LAMB3: variants seen among roughly 807,000 people sequenced by gnomAD.
The protein encoded by LAMB3 is laminin subunit beta 3.
LAMB3 carries 104 observed loss-of-function variants against 140.3 expected under a neutral mutation model. The observed-to-expected ratio is 0.74, with a 90% confidence interval of 0.63 to 0.87. The LOEUF is 0.87. LAMB3 is among the 40% of genes least tolerant of loss of function. The probability of loss-of-function intolerance (pLI) is 0.00; values close to 1 mark genes in which losing one functional copy is unlikely to be tolerated. For synonymous variants in LAMB3, 592 were observed against 602.9 expected, an observed-to-expected ratio of 0.98 and a Z score of 0.26; for missense variants, 1,531 against 1,575.2, an observed-to-expected ratio of 0.97 and a Z score of 0.47.
At position 209,622,628 on chromosome 1, in the gene LAMB3, A is replaced by G; in HGVS notation, c.2609T>C (p.Leu870Ser). 1 of 1,614,140 alleles carries G rather than the reference A, an allele frequency of 6.2e-7. No individual in the cohort carries two copies. Residue 870 changes from leucine (L) to serine (S), a missense_variant, in exon 18 of 23, where the codon TTG (leucine) becomes TCG (serine). Physicochemically the swap from Leu to Ser is moderately radical, Grantham distance 145. Coordinates refer to ENST00000356082, the MANE Select transcript of LAMB3 (RefSeq NM_000228.3). ...ASQIQSSAQRLETQVSASRSQ... is the reference protein window; with the variant it reads ...ASQIQSSAQRSETQVSASRSQ... ...GCGGCTGGCGCTCACCTGGGTCTCCAAGCGCTGGGCACTGGATTGAATCTG... is the reference window on the plus strand; with the variant it reads ...GCGGCTGGCGCTCACCTGGGTCTCCGAGCGCTGGGCACTGGATTGAATCTG...
chr1:209,641,176 C>A (rs1204557531), intron 3 of LAMB3, among the ~76,000 whole-genome samples: 3 of 151,348 alleles, frequency 2.0e-5, no homozygotes, highest in Non-Finnish European at 1.5e-5. Context: ...AAACGAATAG[C>A]AAATTTTCAG....
intron 3 of LAMB3, among the ~76,000 whole-genome samples, chr1:209,649,435 T>C (rs2102465015): frequency 6.6e-6 from 1 of 152,324 alleles, no homozygotes; most frequent in Non-Finnish European, 1.5e-5. Flanking sequence ...TAACAGGCAA[T>C]GTTAGTCATA....
chr1:209,627,504 G>C lies in LAMB3; in HGVS notation c.1364C>G (p.Pro455Arg). Residue 455 changes from proline (P) to arginine (R), a missense_variant, in exon 12 of 23, where the codon CCC (proline) becomes CGC (arginine). Pro to Arg is a moderately radical substitution (Grantham distance 103). Coordinates refer to ENST00000356082, the MANE Select transcript of LAMB3 (RefSeq NM_000228.3). ...GTCACATTTGGGACCCACCACGTTG[G>C]GCAGACAAAGGCAGCGCCCACTCTC... is the stretch of plus-strand genomic sequence containing the variant. ...DEESGRCLCLPNVVGPKCDQC... is the reference protein window; with the variant it reads ...DEESGRCLCLRNVVGPKCDQC... 6.2e-7 allele frequency: 1 copy of C among 1,614,056 alleles called. No individual in the cohort carries two copies. Among genetic ancestry groups the C allele is most frequent in the Non-Finnish European group, 8.5e-7 (1 of 1,180,000 alleles).
Position 209,627,446 on chromosome 1 carries a change from A to T in LAMB3, c.1422T>A (p.Ser474Arg), listed in dbSNP as rs1219437024. ...QCAPYHWKLA[S>R]GQGCEPCACD... ...AGGCACACGGTTCACAGCCCTGGCC[A>T]CTGGCCAGCTTCCAGTGGTAGGGAG... is the stretch of plus-strand genomic sequence containing the variant. Residue 474 changes from serine (S) to arginine (R), a missense_variant, in exon 12 of 23, where the codon AGT becomes AGA. By Grantham distance (110) the Ser-to-Arg change is moderately radical. Transcript: ENST00000356082. The T allele has an allele frequency of 1.8e-5, 29 of 1,613,760 alleles. No individual in the cohort carries two copies. The highest frequency in any genetic ancestry group is 2.4e-5 in the Non-Finnish European group (28 of 1,179,980).
intron 9 of LAMB3, 44 bp downstream of exon 9, chr1:209,630,571 C>T (rs758176448): frequency 5.6e-6 from 9 of 1,612,378 alleles, no homozygotes; most frequent in Non-Finnish European, 7.6e-6. Context: ...GGGGCCAGCA[C>T]TCGACCCAGA....
intron 22 of LAMB3, 110 bp from the exon 23 acceptor site, chr1:209,615,517 C>T: frequency 3.8e-6 from 5 of 1,305,872 alleles, no homozygotes; most frequent in Non-Finnish European, 5.1e-6. Context: ...GTAGAGGAAT[C>T]CCCTCCAGAA....
intron 3 of LAMB3, among the ~76,000 whole-genome samples, chr1:209,643,923 A>G (rs1409347377): frequency 6.6e-6 from 1 of 152,236 alleles, no homozygotes. Context: ...TTGTTCTAAC[A>G]TGCTCTTAGA....
chr1:209,639,178 T>G lies in LAMB3; in HGVS notation c.184-530A>C, dbSNP rs527619140. Among the ~76,000 whole-genome samples, 12 of 152,306 alleles carry G rather than the reference T, an allele frequency of 7.9e-5. No individual in the cohort carries two copies. The East Asian group carries it at 2.3e-3, about 29-fold the overall frequency. On this transcript the variant is annotated intron_variant, in intron 3 of 22. Transcript: ENST00000356082. Reference sequence around the variant, plus strand: ...TCCTAGCTCTGTCACCTCTACTTCCTAGGCTTAACTTTCTCCTCCATAAAT... The same window carrying G: ...TCCTAGCTCTGTCACCTCTACTTCCGAGGCTTAACTTTCTCCTCCATAAAT...
chr1:209,631,190 A>G (rs1196517797), intron 8 of LAMB3, among the ~76,000 whole-genome samples: 4 of 152,224 alleles, frequency 2.6e-5, no homozygotes, highest in Non-Finnish European at 2.9e-5. Context: ...ATTAAGGTAT[A>G]AAAATAGAAT....
At chr1:209,644,468 T>C (rs2076498067) in intron 3 of LAMB3, among the ~76,000 whole-genome samples, 1 of 152,194 alleles carries the variant, frequency 6.6e-6, no homozygotes, top group African/African-American at 2.4e-5. Flanking sequence ...CATTTACAAA[T>C]GGTAGGTATC....
At position 209,628,091 on chromosome 1, in the gene LAMB3, T is replaced by C; in HGVS notation, c.1232A>G (p.Asp411Gly). ...TCCAGTGAAGCCCGGCTTGCATAGG[T>C]CACAGCGCTCTCCCTGCACATGCTC... ...CKEHVQGERC[D>G]LCKPGFTGLT... The change falls in exon 11 of 23, where the codon GAC (aspartate) becomes GGC (glycine). Residue 411 changes from aspartate to glycine, a missense_variant. By Grantham distance (94) the Asp-to-Gly change is moderately conservative. Coordinates refer to ENST00000356082, the MANE Select transcript of LAMB3 (RefSeq NM_000228.3). 7.5e-6 allele frequency: 12 copies of C among 1,604,264 alleles called. No individual in the cohort carries two copies. The highest frequency in any genetic ancestry group is 1.0e-5 in the Non-Finnish European group (12 of 1,175,164).
chr1:209,638,509 G>A (rs1347491861), intron 4 of LAMB3, 25 bp downstream of exon 4: 2 of 1,463,972 alleles, frequency 1.4e-6, no homozygotes, highest in African/African-American at 1.4e-5. Flanking sequence ...TACAGTTTGA[G>A]TTCCCGTAGA....
rs1316086252 is a variant in LAMB3, at chr1:209,650,990, C to T, written c.-37-9G>A. The T allele has an allele frequency of 6.3e-7, 1 of 1,590,968 alleles. No individual in the cohort carries two copies. Among genetic ancestry groups the T allele is most frequent in the Admixed American group, 1.7e-5 (1 of 60,000 alleles). ...CCCAGAAAGGACCTTTCCTAGGACA[C>T]AGCAAAGCAAACTGGGTACAACAGT... On this transcript the variant is annotated splice_polypyrimidine_tract_variant and intron_variant, in intron 1 of 22. Coordinates refer to ENST00000356082, the MANE Select transcript of LAMB3 (RefSeq NM_000228.3).
In LAMB3 at chr1:209,617,413, T is replaced by C. The variant is rs1404411461; in HGVS notation, c.3225A>G (p.Gln1075=). The change falls in exon 21 of 23, where the codon CAA becomes CAG. Residue 1075 remains glutamine (Q), a synonymous_variant. Coordinates refer to ENST00000356082, the MANE Select transcript of LAMB3 (RefSeq NM_000228.3). ...EGASEQALSA[Q]EGFERIKQKY... is the part of the protein sequence containing the mutation. ...GCTAACTCCGCCTTCTCTGTACCTC[T>C]TGGGCACTCAATGCCTGCTCGCTGG... 1.2e-6 allele frequency: 2 copies of C among 1,612,474 alleles called. No individual in the cohort carries two copies. The highest frequency in any genetic ancestry group is 1.7e-5 in the Admixed American group (1 of 60,024).
intron 3 of LAMB3, among the ~76,000 whole-genome samples, chr1:209,640,914 T>A (rs2102450792): frequency 6.6e-6 from 1 of 151,712 alleles, no homozygotes; most frequent in Admixed American, 6.6e-5. Context: ...ACCCCCTCTC[T>A]ACTAAAAATA....
intron 2 of LAMB3, 86 bp downstream of exon 2, chr1:209,650,831 C>T (rs563821664): frequency 7.6e-7 from 1 of 1,311,464 alleles, no homozygotes; most frequent in Admixed American, 1.7e-5. Context: ...AGGTGATGCC[C>T]ACACTTTGGT....
intron 5 of LAMB3, among the ~76,000 whole-genome samples, chr1:209,635,985 T>G (rs982742949): frequency 5.3e-5 from 8 of 152,092 alleles, no homozygotes; most frequent in African/African-American, 1.9e-4. Context: ...CGCTGGTGGG[T>G]TCCCTCTCAT....
chr1:209,644,037 G>C (rs2076494314), intron 3 of LAMB3, among the ~76,000 whole-genome samples: 1 of 152,174 alleles, frequency 6.6e-6, no homozygotes, highest in Admixed American at 6.5e-5. Flanking sequence ...TGCTATCCTG[G>C]AGAAACACTT....
chr1:209,626,777 C>T (rs899488219), intron 13 of LAMB3, 90 bp downstream of exon 13: 10 of 898,256 alleles, frequency 1.1e-5, no homozygotes, highest in Non-Finnish European at 1.6e-5. Context: ...GGACATCCTG[C>T]CCTGCTGCAG....
Sources: allele counts gnomAD v4.1 joint callset (sites outside exome capture counted in the v4.1 genomes callset), GRCh38; gene constraint gnomAD v4.1.1; transcripts MANE v1.5; gene names NCBI Gene and HGNC (gene_info 2026-07-23, HGNC 2026-07-21).